The following PSMB2 variants were observed in gnomAD, a reference collection of about 807,000 sequenced individuals.
PSMB2 encodes proteasome subunit beta type-2.
Under a neutral mutation model 25.7 loss-of-function variants are expected in PSMB2, and 13 were observed. That is an observed-to-expected ratio of 0.51 (90% CI 0.33 to 0.80). The LOEUF is 0.80. PSMB2 is among the 30% of genes least tolerant of loss of function. The pLI is 0.02. For synonymous variants in PSMB2, 87 were observed against 96.2 expected (o/e 0.90, Z 0.56); for missense variants, 202 against 259.0 (o/e 0.78, Z 1.51).
In PSMB2 at chr1:35,603,003, C is replaced by T. The variant is rs1008817511; in HGVS notation, c.*264G>A. 22 of 1,142,536 alleles carry T rather than the reference C, an allele frequency of 1.9e-5. No individual in the cohort carries two copies. In the African/African-American group the frequency reaches 2.6e-4, roughly 13 times the overall value. 70.8% of individuals were successfully genotyped at this position (1,142,536 alleles called of 1,614,324 possible). On this transcript the variant is annotated 3_prime_UTR_variant, in exon 6 of 6. Coordinates refer to ENST00000373237, the MANE Select transcript of PSMB2 (RefSeq NM_002794.5). ...CCAAGCATGGAGTAGAACGTGGGGCCGTCAGCTGCTAAAGGGTACTGAGCG... is the reference window on the plus strand; with the variant it reads ...CCAAGCATGGAGTAGAACGTGGGGCTGTCAGCTGCTAAAGGGTACTGAGCG...
chr1:35,602,814 A>T lies in PSMB2; in HGVS notation c.*453T>A. The T allele has an allele frequency of 1.3e-6, 1 of 777,104 alleles. No individual in the cohort carries two copies. Among genetic ancestry groups the T allele is most frequent in the Non-Finnish European group, 1.6e-6 (1 of 639,454 alleles). 48.1% of individuals were successfully genotyped at this position (777,104 alleles called of 1,614,324 possible). On this transcript the variant is annotated 3_prime_UTR_variant, in exon 6 of 6. Transcript: ENST00000373237. ...CCCAGCTCTGGAAGAAATATTTTTC[A>T]CTACATGTTTTTGTACTGTTTGCAT...
At chr1:35,617,691 C>G (rs544215080) in intron 3 of PSMB2, among the ~76,000 whole-genome samples, 1 of 152,080 alleles carries the variant, frequency 6.6e-6, no homozygotes, top group African/African-American at 2.4e-5. Context: ...AAACAGTATA[C>G]GTGAAGACAA....
At chr1:35,641,213 A>T (rs1651385824) in intron 1 of PSMB2, 129 bp downstream of exon 1, 1 of 1,179,554 alleles carries the variant, frequency 8.5e-7, no homozygotes, top group African/African-American at 1.6e-5. Context: ...AATAAATAAA[A>T]TAAGTACGGG....
chr1:35,605,291 G>A lies in PSMB2; in HGVS notation c.449-9C>T. The A allele has an allele frequency of 1.2e-6, 2 of 1,612,070 alleles. No individual in the cohort carries two copies. The highest frequency in any genetic ancestry group is 1.7e-6 in the Non-Finnish European group (2 of 1,178,936). The stretch of plus-strand genomic sequence containing the variant: ...CCTCTCACGTGAGATAGCTGAAAGA[G>A]AACACAGAGACCAAATACTTCCGGT... On this transcript the variant is annotated splice_polypyrimidine_tract_variant and intron_variant, in intron 4 of 5. Transcript: ENST00000373237.
chr1:35,631,531 T>G, intron 2 of PSMB2, 187 bp from the exon 3 acceptor site: 1 of 1,405,906 alleles, frequency 7.1e-7, no homozygotes, highest in South Asian at 1.6e-5. Flanking sequence ...AATAGCTGGT[T>G]AGTACTGACA....
In PSMB2 at chr1:35,599,980, G is replaced by A; in HGVS notation, c.*3287C>T. On this transcript the variant is annotated 3_prime_UTR_variant, in exon 6 of 6. Coordinates refer to ENST00000373237, the MANE Select transcript of PSMB2 (RefSeq NM_002794.5). ...AGACCCTGTCTCTACAAAAAATTTT[G>A]ACAAAATTAGCTGGGTGCAGTGGTG... The A allele has an allele frequency of 1.5e-6, 1 of 660,146 alleles. No homozygotes were observed. The allele number at this position is 660,146 out of a possible 1,614,324, so 40.9% of individuals were successfully genotyped here.
At chr1:35,640,246 T>C (rs1361233774) in intron 1 of PSMB2, among the ~76,000 whole-genome samples, 1 of 152,182 alleles carries the variant, frequency 6.6e-6, no homozygotes, top group Non-Finnish European at 1.5e-5. Context: ...TAATGGTCAT[T>C]TGACAAATAT....
At chr1:35,618,228 G>A (rs192413581) in intron 3 of PSMB2, among the ~76,000 whole-genome samples, 5 of 152,280 alleles carry the variant, frequency 3.3e-5, no homozygotes, top group East Asian at 3.9e-4. Context: ...AACAGTAGAA[G>A]AGGTGAGGGA....
intron 3 of PSMB2, among the ~76,000 whole-genome samples, chr1:35,616,343 C>T (rs1316051322): frequency 6.6e-6 from 1 of 152,192 alleles, no homozygotes; most frequent in Non-Finnish European, 1.5e-5. Context: ...GCATCTACTG[C>T]TCTCTATTTC....
chr1:35,641,417 C>T lies in PSMB2; in HGVS notation c.16G>A (p.Gly6Ser). 6.2e-6 allele frequency: 10 copies of T among 1,614,132 alleles called. No individual in the cohort carries two copies. The highest frequency in any genetic ancestry group is 7.6e-6 in the Non-Finnish European group (9 of 1,180,034). Residue 6 changes from glycine to serine, a missense_variant, in exon 1 of 6, where the codon GGT becomes AGT. Physicochemically the swap from Gly to Ser is moderately conservative, Grantham distance 56. Coordinates refer to ENST00000373237, the MANE Select transcript of PSMB2 (RefSeq NM_002794.5). ...AGAACATAGTCGGGGCCTTGGATAC[C>T]GATGAGGTACTCCATGGTGGCGGAA... Reference protein sequence around the residue: MEYLIGIQGPDYVLVA... With the variant: MEYLISIQGPDYVLVA...
intron 3 of PSMB2, among the ~76,000 whole-genome samples, chr1:35,611,111 T>C (rs1650318401): frequency 6.6e-6 from 1 of 152,222 alleles, no homozygotes; most frequent in South Asian, 2.1e-4. Context: ...GATGTGTTTC[T>C]CCTCTTGCCT....
chr1:35,640,042 T>C (rs1248085656), intron 1 of PSMB2, among the ~76,000 whole-genome samples: 4 of 119,918 alleles, frequency 3.3e-5, no homozygotes, highest in Non-Finnish European at 7.2e-5. Flanking sequence ...TCCAGACATT[T>C]TGCCCCTAAG....
rs1435338706 is a variant in PSMB2, at chr1:35,634,408, A to G, written c.214+1902T>C. 6.6e-5 allele frequency among the ~76,000 whole-genome samples: 10 copies of G among 152,254 alleles called. 1 individual carries two copies. In the South Asian group the frequency reaches 2.1e-3, roughly 32 times the overall value. ...TTTCTTTGTTTTGAGACAGGGTCTC[A>G]CTCTGTCGCACAGGCTGGAGTGCAG... On this transcript the variant is annotated intron_variant, in intron 2 of 5. Transcript: ENST00000373237.
At chr1:35,626,169 C>T (rs1354354369) in intron 3 of PSMB2, among the ~76,000 whole-genome samples, 2 of 152,100 alleles carry the variant, frequency 1.3e-5, no homozygotes, top group African/African-American at 2.4e-5. Context: ...TAGTATAAGC[C>T]CTTTTTCTGC....
At chr1:35,628,625 ATATATATT>A (rs1311445355) in intron 3 of PSMB2, among the ~76,000 whole-genome samples, 687 of 43,878 alleles carry the variant, frequency 0.016, 3 homozygotes, top group African/African-American at 0.02. Flanking sequence ...ATATATATAT[ATATATATT>A]TTTTTTTTTT....
chr1:35,606,502 G>A (rs554211358), intron 4 of PSMB2, among the ~76,000 whole-genome samples: 1 of 152,170 alleles, frequency 6.6e-6, no homozygotes, highest in East Asian at 1.9e-4. Flanking sequence ...GGAGATGAAA[G>A]ACCTCTATAA....
At chr1:35,606,304 A>G (rs181418038) in intron 4 of PSMB2, among the ~76,000 whole-genome samples, 20 of 152,306 alleles carry the variant, frequency 1.3e-4, no homozygotes, top group Admixed American at 9.2e-4. Context: ...AGAAAAACCT[A>G]AAGACCCCAC....
Position 35,601,530 on chromosome 1 carries a change from T to C in PSMB2, c.*1737A>G. 1 of 985,408 alleles carries C rather than the reference T, an allele frequency of 1.0e-6. No homozygotes were observed. The highest frequency in any genetic ancestry group is 4.7e-5 in the South Asian group (1 of 21,286). 61.0% of individuals were successfully genotyped at this position (985,408 alleles called of 1,614,324 possible). A position where few individuals can be genotyped will look rare whatever the true frequency, so the allele number is the denominator to read the frequency against. ...TACTCAATGATTAGCTTTCTTCTTA[T>C]GGTGTAAGGCATTTATCATTGGCGT... is the stretch of plus-strand genomic sequence containing the variant. On this transcript the variant is annotated 3_prime_UTR_variant, in exon 6 of 6. Coordinates refer to ENST00000373237, the MANE Select transcript of PSMB2 (RefSeq NM_002794.5).
At chr1:35,628,488 T>C (rs1650930324) in intron 3 of PSMB2, among the ~76,000 whole-genome samples, 1 of 149,076 alleles carries the variant, frequency 6.7e-6, no homozygotes, top group East Asian at 2.0e-4. Context: ...CAGGAACTTC[T>C]GGGTGACAGA....
Sources: gnomAD v4.1 joint callset for allele counts (sites outside exome capture counted in the v4.1 genomes callset) on GRCh38, gnomAD v4.1.1 for gene constraint, MANE v1.5 for transcripts, NCBI Gene and HGNC (gene_info 2026-07-23, HGNC 2026-07-21) for gene names.